The following ALOX5AP variants were observed in gnomAD, a reference collection of about 807,000 sequenced individuals.
ALOX5AP encodes arachidonate 5-lipoxygenase-activating protein.
In ALOX5AP, 9 loss-of-function variants were observed where a neutral mutation model predicts 18.5. That is an observed-to-expected ratio of 0.49 (90% CI 0.29 to 0.85). The LOEUF (loss-of-function observed/expected upper bound fraction) is 0.85. Ranked by LOEUF, ALOX5AP falls within the 40% of genes least tolerant of loss-of-function variation. The pLI is 0.08. For missense variants in ALOX5AP, 172 were observed against 202.5 expected (o/e 0.85, Z 0.91); for synonymous variants, 81 against 78.6 (o/e 1.03, Z -0.16).
At position 30,764,244 on chromosome 13, in the gene ALOX5AP, A is replaced by G. The variant is rs1951971372; in HGVS notation, c.*138A>G. Reference sequence around the variant, plus strand: ...CATCTGGGCTTCACAGCTTGAGTTAACCTTGCTTTTCCGGGAACAAAATGA... The same window carrying G: ...CATCTGGGCTTCACAGCTTGAGTTAGCCTTGCTTTTCCGGGAACAAAATGA... On this transcript the variant is annotated 3_prime_UTR_variant, in exon 5 of 5. Coordinates refer to ENST00000380490, the MANE Select transcript of ALOX5AP (RefSeq NM_001629.4). 2.0e-6 allele frequency: 2 copies of G among 987,232 alleles called. No individual in the cohort carries two copies. Among genetic ancestry groups the G allele is most frequent in the Non-Finnish European group, 1.4e-6 (1 of 696,214 alleles). The allele number at this position is 987,232 out of a possible 1,614,324, so 61.2% of individuals were successfully genotyped here. A position where few individuals can be genotyped will look rare whatever the true frequency, so the allele number is the denominator to read the frequency against.
intron 2 of ALOX5AP, among the ~76,000 whole-genome samples, chr13:30,748,696 T>TTG (rs1951828457): frequency 6.6e-6 from 1 of 152,274 alleles, no homozygotes; most frequent in South Asian, 2.1e-4. Context: ...CCACCACTTA[T>TTG]TGAATGCTTA....
intron 1 of ALOX5AP, among the ~76,000 whole-genome samples, chr13:30,718,438 T>C (rs368000924): frequency 6.7e-6 from 1 of 148,932 alleles, no homozygotes; most frequent in African/African-American, 2.5e-5. Flanking sequence ...AACTACACAC[T>C]GCCTTATTGC....
rs560639521 is a variant in ALOX5AP at position 30,716,731 on chromosome 13, A to C, written c.116+2890A>C. On this transcript the variant is annotated intron_variant, in intron 1 of 5. Coordinates refer to the ALOX5AP transcript ENST00000617770. ...TGACTTTTGACACCAACTACAAGTC[A>C]AGGGGTTCCCCAAACCACCCTGAGT... Among the ~76,000 whole-genome samples the C allele has an allele frequency of 2.4e-4, 37 of 152,358 alleles. No individual in the cohort carries two copies. In the East Asian group the frequency reaches 5.8e-3, roughly 24 times the overall value.
At chr13:30,722,786 T>C (rs1951604307) in intron 1 of ALOX5AP, among the ~76,000 whole-genome samples, 1 of 152,232 alleles carries the variant, frequency 6.6e-6, no homozygotes, top group Non-Finnish European at 1.5e-5. Flanking sequence ...GTTTTTATTC[T>C]AGTGGTTCCT....
At chr13:30,745,706 C>T (rs1225307993) in intron 2 of ALOX5AP, among the ~76,000 whole-genome samples, 1 of 152,218 alleles carries the variant, frequency 6.6e-6, no homozygotes, top group Admixed American at 6.5e-5. Context: ...ATGTCACTTG[C>T]TGTCAGCCTC....
chr13:30,731,057 G>A (rs762670287), upstream of ALOX5AP, among the ~76,000 whole-genome samples: 18 of 152,214 alleles, frequency 1.2e-4, no homozygotes, highest in East Asian at 3.9e-4. Context: ...CAGCCCTGTC[G>A]CTGTGGGATA....
intron 1 of ALOX5AP, among the ~76,000 whole-genome samples, chr13:30,726,990 G>A (rs1202404737): frequency 6.6e-6 from 1 of 151,348 alleles, no homozygotes; most frequent in Non-Finnish European, 1.5e-5. Flanking sequence ...GATGAATAAA[G>A]AGAAGAGGGT....
chr13:30,756,080 G>A, intron 4 of ALOX5AP, 55 bp downstream of exon 4: 1 of 1,541,596 alleles, frequency 6.5e-7, no homozygotes, highest in Non-Finnish European at 9.0e-7. Context: ...TTTTGAGCAG[G>A]AAGAGTGACA....
At chr13:30,755,729 T>A (rs2137827302) in intron 3 of ALOX5AP, among the ~76,000 whole-genome samples, 1 of 152,358 alleles carries the variant, frequency 6.6e-6, no homozygotes, top group South Asian at 2.1e-4. Flanking sequence ...AGGCTCCGGG[T>A]TGGACAAGTT....
intron 3 of ALOX5AP, among the ~76,000 whole-genome samples, chr13:30,755,169 A>G (rs983933907): frequency 1.3e-5 from 2 of 152,136 alleles, no homozygotes; most frequent in Admixed American, 1.3e-4. Context: ...TAGAACGCAG[A>G]GGGAATCTCC....
upstream of ALOX5AP, chr13:30,735,504 T>G: frequency 6.4e-7 from 1 of 1,553,330 alleles, no homozygotes; most frequent in Non-Finnish European, 8.7e-7. Context: ...TCTTCAGAAA[T>G]TGTAATGATG....
At chr13:30,745,161 G>C (rs756792500) in intron 2 of ALOX5AP, among the ~76,000 whole-genome samples, 1 of 152,118 alleles carries the variant, frequency 6.6e-6, no homozygotes, top group Non-Finnish European at 1.5e-5. Context: ...AAGGGATCTC[G>C]ACTGAACAGG....
At chr13:30,718,963 G>A (rs1443051311) in intron 1 of ALOX5AP, among the ~76,000 whole-genome samples, 3 of 152,228 alleles carry the variant, frequency 2.0e-5, no homozygotes, top group African/African-American at 7.2e-5. Flanking sequence ...GTCTTGGCCT[G>A]TCTAGCTTTA....
intron 4 of ALOX5AP, among the ~76,000 whole-genome samples, chr13:30,758,945 G>A (rs1028482219): frequency 1.3e-5 from 2 of 152,070 alleles, no homozygotes; most frequent in African/African-American, 2.4e-5. Context: ...AGCCTCTTGA[G>A]TAGCTGAGAC....
intron 1 of ALOX5AP, among the ~76,000 whole-genome samples, chr13:30,714,814 A>G (rs984193430): frequency 8.3e-4 from 127 of 152,266 alleles, no homozygotes; most frequent in African/African-American, 3.1e-3. Context: ...CTTAGCTTAC[A>G]GCCTCTGGTT....
chr13:30,718,389 ATATATATATATATATATGCATATC>A (rs1951566666), intron 1 of ALOX5AP, among the ~76,000 whole-genome samples: 1 of 92,022 alleles, frequency 1.1e-5, no homozygotes, highest in Non-Finnish European at 2.0e-5. Flanking sequence ...ATGCATATAT[ATATATATATATATATATGCATATC>A]TATAATAACT....
intron 1 of ALOX5AP, among the ~76,000 whole-genome samples, chr13:30,723,233 A>G (rs1015095484): frequency 3.9e-5 from 6 of 152,254 alleles, no homozygotes; most frequent in Admixed American, 1.3e-4. Flanking sequence ...AAGGAGATAC[A>G]AGAAGCAGAA....
intron 1 of ALOX5AP, among the ~76,000 whole-genome samples, chr13:30,739,798 G>A (rs150124302): frequency 6.6e-6 from 1 of 152,238 alleles, no homozygotes; most frequent in Admixed American, 6.5e-5. Flanking sequence ...TTGGTTGAAA[G>A]TCCCAAGGTC....
chr13:30,738,026 TTTC>T (rs1951734391), intron 1 of ALOX5AP, among the ~76,000 whole-genome samples: 1 of 152,352 alleles, frequency 6.6e-6, no homozygotes, highest in African/African-American at 2.4e-5. Flanking sequence ...AAACCCTGCC[TTTC>T]TTCTTCCTCA....
Sources: gnomAD v4.1 joint callset for allele counts (sites outside exome capture counted in the v4.1 genomes callset) on GRCh38, gnomAD v4.1.1 for gene constraint, MANE v1.5 for transcripts, NCBI Gene and HGNC (gene_info 2026-07-23, HGNC 2026-07-21) for gene names.